Variants in HLCS observed in about 807,000 individuals in gnomAD.
HLCS encodes holocarboxylase synthetase.
A neutral mutation model predicts 75.0 loss-of-function variants in HLCS; 53 were observed. The observed-to-expected ratio is 0.71, with a 90% CI of 0.57 to 0.89. The LOEUF (loss-of-function observed/expected upper bound fraction) is 0.89. Ranked by LOEUF, HLCS falls within the 40% of genes least tolerant of loss-of-function variation. The probability of loss-of-function intolerance (pLI) is 0.00; values close to 1 mark genes in which losing one functional copy is unlikely to be tolerated. For synonymous variants in HLCS, 431 were observed against 428.6 expected, an observed-to-expected ratio of 1.01 and a Z score of -0.07; for missense variants, 966 against 1,074.0, an observed-to-expected ratio of 0.90 and a Z score of 1.41.
chr21:36,913,577 A>G (rs1238106503), intron 5 of HLCS, among the ~76,000 whole-genome samples: 1 of 152,144 alleles, frequency 6.6e-6, no homozygotes, highest in African/African-American at 2.4e-5. Context: ...CCTGGCCAAC[A>G]TCGTGAAACT....
intron 6 of HLCS, among the ~76,000 whole-genome samples, chr21:36,825,233 C>T (rs756600265): frequency 6.6e-6 from 1 of 151,856 alleles, no homozygotes; most frequent in African/African-American, 2.4e-5. Flanking sequence ...AAAATAAATA[C>T]GAAACTGATC....
intron 6 of HLCS, among the ~76,000 whole-genome samples, chr21:36,854,539 A>T (rs2063120987): frequency 6.6e-6 from 1 of 152,202 alleles, no homozygotes; most frequent in African/African-American, 2.4e-5. Flanking sequence ...TTATGAGAGT[A>T]GGACTAATAA....
chr21:36,927,337 G>C (rs1212244747), intron 5 of HLCS, among the ~76,000 whole-genome samples: 1 of 152,228 alleles, frequency 6.6e-6, no homozygotes, highest in Non-Finnish European at 1.5e-5. Context: ...TGTCGATGAA[G>C]GTCTCCGAGC....
chr21:36,901,641 C>T (rs940608978), intron 5 of HLCS, among the ~76,000 whole-genome samples: 6 of 152,218 alleles, frequency 3.9e-5, no homozygotes, highest in Admixed American at 1.3e-4. Context: ...GGCTTGTACA[C>T]ACATCACCCC....
chr21:36,751,170 A>T lies in HLCS; in HGVS notation c.*3076T>A, dbSNP rs2089352182. 1 of 152,648 alleles carries T rather than the reference A, an allele frequency of 6.6e-6. No homozygotes were observed. 9.5% of individuals were successfully genotyped at this position (152,648 alleles called of 1,614,324 possible). A position where few individuals can be genotyped will look rare whatever the true frequency, so the allele number is the denominator to read the frequency against. On this transcript the variant is annotated 3_prime_UTR_variant, in exon 11 of 11. Transcript: ENST00000674895. ...GCCTACTTTTAAAAATGAAACTTGT[A>T]AAAATAAGAGGGAGCCCAAACCACA...
At chr21:36,817,016 C>A (rs2061684124) in intron 6 of HLCS, among the ~76,000 whole-genome samples, 1 of 152,176 alleles carries the variant, frequency 6.6e-6, no homozygotes, top group African/African-American at 2.4e-5. Flanking sequence ...CTCTGCCACG[C>A]CAAGCAACCC....
chr21:36,888,967 A>G (rs1439084450), intron 6 of HLCS, among the ~76,000 whole-genome samples: 1 of 152,136 alleles, frequency 6.6e-6, no homozygotes, highest in Non-Finnish European at 1.5e-5. Flanking sequence ...CCAAAGCCCC[A>G]ATGATCAGAC....
At chr21:36,936,366 G>C in intron 4 of HLCS, 83 bp downstream of exon 4, 1 of 1,205,390 alleles carries the variant, frequency 8.3e-7, no homozygotes, top group Non-Finnish European at 1.2e-6. Context: ...AAACTTTTAA[G>C]CGTGTACCTT....
At chr21:36,947,953 T>C (rs1402263570) in intron 2 of HLCS, 1 of 985,176 alleles carries the variant, frequency 1.0e-6, no homozygotes, top group Admixed American at 6.2e-5. Flanking sequence ...AAAGCTCTAG[T>C]AACAAATTGG....
Position 36,936,522 on chromosome 21 carries a change from T to A in HLCS, c.1364A>T (p.Glu455Val). Residue 455 changes from glutamate to valine, a missense_variant, in exon 4 of 11, where the codon GAG becomes GTG. Glu to Val is a moderately radical substitution (Grantham distance 121, BLOSUM62 -2). Coordinates refer to ENST00000674895, the MANE Select transcript of HLCS (RefSeq NM_001352514.2). Reference protein sequence around the residue: ...LSPGRLQGHLENEDKDRMIVH... With the variant: ...LSPGRLQGHLVNEDKDRMIVH... ...AATCATCCTGTCCTTGTCCTCATTCTCCAGGTGGCCCTGGAGCCTGCCGGG... is the reference window on the plus strand; with the variant it reads ...AATCATCCTGTCCTTGTCCTCATTCACCAGGTGGCCCTGGAGCCTGCCGGG... 6.2e-7 allele frequency: 1 copy of A among 1,614,184 alleles called. No individual in the cohort carries two copies. Among genetic ancestry groups the A allele is most frequent in the Non-Finnish European group, 8.5e-7 (1 of 1,180,034 alleles).
intron 2 of HLCS, among the ~76,000 whole-genome samples, chr21:36,961,642 G>GA (rs1246064090): frequency 6.6e-6 from 1 of 152,088 alleles, no homozygotes; most frequent in African/African-American, 2.4e-5. Flanking sequence ...CAAAGGCTAG[G>GA]AAAGAGCACT....
intron 6 of HLCS, among the ~76,000 whole-genome samples, chr21:36,833,184 CT>C (rs1340527993): frequency 6.6e-6 from 1 of 150,880 alleles, no homozygotes; most frequent in Admixed American, 6.6e-5. Context: ...CCATGCCTAG[CT>C]AAATTTTTTT....
chr21:36,812,889 C>A (rs990317918), intron 6 of HLCS, among the ~76,000 whole-genome samples: 23 of 152,138 alleles, frequency 1.5e-4, no homozygotes, highest in African/African-American at 5.3e-4. Flanking sequence ...TGAGACCCTG[C>A]CTCTATTAAA....
At chr21:36,930,120 T>G (rs1182759488) in intron 5 of HLCS, 131 bp downstream of exon 5, 7 of 857,138 alleles carry the variant, frequency 8.2e-6, no homozygotes, top group African/African-American at 1.7e-5. Flanking sequence ...TTGAAGATGA[T>G]TTCCAAACCC....
At chr21:36,929,590 T>G (rs1369293794) in intron 5 of HLCS, among the ~76,000 whole-genome samples, 1 of 152,260 alleles carries the variant, frequency 6.6e-6, no homozygotes, top group African/African-American at 2.4e-5. Flanking sequence ...TACATGGTTA[T>G]GTCATTCAAC....
chr21:36,784,144 T>C lies in HLCS; in HGVS notation c.1893-16859A>G, dbSNP rs141651960. The stretch of plus-strand genomic sequence containing the variant: ...CTCTCAAGACATCATCATTGCCAAG[T>C]AGTCTCATTTTACTGCTGATAAGTG... On this transcript the variant is annotated intron_variant, in intron 6 of 10. Transcript: ENST00000674895. Among the ~76,000 whole-genome samples, 24 of 152,162 alleles carry C rather than the reference T, an allele frequency of 1.6e-4. No individual in the cohort carries two copies. In the East Asian group the frequency reaches 4.1e-3, roughly 26 times the overall value.
chr21:36,835,705 T>TGCTGCC (rs1228803666), intron 6 of HLCS, among the ~76,000 whole-genome samples: 1 of 152,204 alleles, frequency 6.6e-6, no homozygotes, highest in Non-Finnish European at 1.5e-5. Flanking sequence ...AGGAGTAAGA[T>TGCTGCC]GCTGCCACAC....
chr21:36,827,411 A>T (rs981182577), intron 6 of HLCS, among the ~76,000 whole-genome samples: 3 of 151,864 alleles, frequency 2.0e-5, no homozygotes, highest in East Asian at 1.9e-4. Flanking sequence ...TCTACTAAAA[A>T]TACAAAAAAA....
intron 1 of HLCS, chr21:36,980,701 C>G (rs2069096796): frequency 1.3e-5 from 2 of 152,282 alleles, no homozygotes; most frequent in African/African-American, 2.4e-5. Context: ...GCTCCGGGAC[C>G]GCTGAAACGC....
Sources: allele counts gnomAD v4.1 joint callset (sites outside exome capture counted in the v4.1 genomes callset), GRCh38; gene constraint gnomAD v4.1.1; transcripts MANE v1.5; gene names NCBI Gene and HGNC (gene_info 2026-07-23, HGNC 2026-07-21).